Variants in ASXL3 observed in about 807,000 individuals in gnomAD.
The protein encoded by ASXL3 is ASXL transcriptional regulator 3.
A neutral mutation model predicts 170.6 loss-of-function variants in ASXL3; 34 were observed. The observed-to-expected ratio is 0.20, with a 90% CI of 0.15 to 0.27. The LOEUF (loss-of-function observed/expected upper bound fraction) is 0.27, where lower values mean the gene tolerates loss of function less well. Among genes scored for constraint, ASXL3 ranks in the 10% least tolerant of loss-of-function variants. The pLI, the probability that ASXL3 is intolerant of heterozygous loss-of-function variation, is 1.00. For missense variants in ASXL3, 2,592 were observed against 2,695.3 expected, an observed-to-expected ratio of 0.96 and a Z score of 0.85; for synonymous variants, 1,002 against 989.1, an observed-to-expected ratio of 1.01 and a Z score of -0.24.
At chr18:33,699,189 A>G (rs2066827685) in intron 8 of ASXL3, among the ~76,000 whole-genome samples, 1 of 152,098 alleles carries the variant, frequency 6.6e-6, no homozygotes. Context: ...CCGGCAAGAA[A>G]ATCTTCTATG....
At chr18:33,586,277 C>T (rs191861830) in intron 1 of ASXL3, among the ~76,000 whole-genome samples, 1 of 152,086 alleles carries the variant, frequency 6.6e-6, no homozygotes, top group East Asian at 1.9e-4. Context: ...GTTGACATAG[C>T]CCCAGAACTA....
chr18:33,639,038 C>T lies in ASXL3; in HGVS notation c.138-5856C>T, dbSNP rs141475853. 2.2e-3 allele frequency among the ~76,000 whole-genome samples: 340 copies of T among 152,116 alleles called. 3 individuals are homozygous for T. The highest frequency in any genetic ancestry group is 6.8e-3 in the Middle Eastern group (2 of 294). On this transcript the variant is annotated intron_variant, in intron 2 of 11. Coordinates refer to ENST00000269197, the MANE Select transcript of ASXL3 (RefSeq NM_030632.3). ...TTTAAAAATTAAAATATTACCTGAG[C>T]CAATTCTTTAAACAAGCTGTGAAAT...
rs1599457003 is a variant in ASXL3 at position 33,658,548 on chromosome 18, A to G, written c.356-3068A>G. ...TGAAGCCTATGGGTGAATTGCAAAT[A>G]TGTCCTACCCATTTTTTCTTTCCTG... On this transcript the variant is annotated intron_variant, in intron 4 of 11. Transcript: ENST00000269197. 2.0e-5 allele frequency among the ~76,000 whole-genome samples: 3 copies of G among 152,164 alleles called. No individual in the cohort carries two copies. The East Asian group carries it at 5.8e-4, about 29-fold the overall frequency.
Position 33,745,272 on chromosome 18 carries a change from G to A in ASXL3, c.5424G>A (p.Lys1808=), listed in dbSNP as rs186394703. The A allele has an allele frequency of 3.5e-5, 56 of 1,613,976 alleles. No individual in the cohort carries two copies. The East Asian group carries it at 5.8e-4, about 17-fold the overall frequency. The change falls in exon 12 of 12, where the codon AAG becomes AAA. Residue 1808 remains lysine (K), a synonymous_variant. Transcript: ENST00000269197. The part of the protein sequence containing the change: ...IPPSSPNPDG[K]GYLAGTLAPL... ...CCAGCTCTCCAAATCCAGATGGTAA[G>A]GGCTACTTGGCAGGGACTCTGGCAC... is the stretch of plus-strand genomic sequence containing the variant.
intron 9 of ASXL3, among the ~76,000 whole-genome samples, chr18:33,733,286 G>C (rs985813880): frequency 5.3e-5 from 8 of 152,046 alleles, no homozygotes; most frequent in African/African-American, 1.9e-4. Context: ...TAACCAAAAT[G>C]CCTAATATTA....
intron 11 of ASXL3, among the ~76,000 whole-genome samples, chr18:33,741,377 C>T (rs1445235219): frequency 6.6e-6 from 1 of 151,944 alleles, no homozygotes; most frequent in Admixed American, 6.6e-5. Context: ...TAGAATCTTG[C>T]AAGATGTTAC....
chr18:33,692,852 A>G (rs1021733138), intron 8 of ASXL3, among the ~76,000 whole-genome samples: 5 of 152,198 alleles, frequency 3.3e-5, no homozygotes, highest in African/African-American at 1.2e-4. Context: ...AGAACTTTGC[A>G]TTAGTCTACT....
intron 2 of ASXL3, among the ~76,000 whole-genome samples, chr18:33,627,339 T>C (rs1412596959): frequency 1.3e-5 from 2 of 152,174 alleles, no homozygotes; most frequent in East Asian, 3.9e-4. Context: ...TGTTGGAAAG[T>C]GAAAATTTGA....
rs917031264 is a variant in ASXL3, at chr18:33,578,670, C to G, written c.39C>G (p.Ala13=). 2.2e-6 allele frequency: 3 copies of G among 1,347,470 alleles called. No homozygotes were observed. The highest frequency in any genetic ancestry group is 3.2e-5 in the South Asian group (2 of 63,016). 83.5% of individuals were successfully genotyped at this position (1,347,470 alleles called of 1,614,324 possible). The change falls in exon 1 of 12, where the codon GCC becomes GCG. Residue 13 remains alanine, a synonymous_variant. Transcript: ENST00000269197. ...DKRKKKDRTW[A]EAARLALEKH... ...GGAAGAAGAAGGACCGCACCTGGGC[C>G]GAGGCTGCCCGCCTGGTACGTACCG... is the stretch of plus-strand genomic sequence containing the variant.
intron 8 of ASXL3, among the ~76,000 whole-genome samples, chr18:33,685,986 T>G (rs1241707948): frequency 6.6e-6 from 1 of 152,242 alleles, no homozygotes; most frequent in Admixed American, 6.5e-5. Context: ...ATCAACAATG[T>G]ACTCAATAAA....
At chr18:33,709,358 A>G (rs2067017852) in intron 8 of ASXL3, among the ~76,000 whole-genome samples, 1 of 152,052 alleles carries the variant, frequency 6.6e-6, no homozygotes, top group African/African-American at 2.4e-5. Flanking sequence ...AGTGTTCACA[A>G]TAGCCAAAAC....
intron 2 of ASXL3, among the ~76,000 whole-genome samples, chr18:33,618,083 T>C (rs1224707877): frequency 6.6e-6 from 1 of 152,172 alleles, no homozygotes; most frequent in East Asian, 1.9e-4. Context: ...GACTTCTTTT[T>C]ATAGTTGATT....
intron 1 of ASXL3, among the ~76,000 whole-genome samples, chr18:33,579,411 G>A (rs1205918006): frequency 6.6e-6 from 1 of 152,122 alleles, no homozygotes; most frequent in African/African-American, 2.4e-5. Flanking sequence ...GTAGTGGGAG[G>A]TTATTAAGAG....
At chr18:33,707,660 C>G (rs994014897) in intron 8 of ASXL3, among the ~76,000 whole-genome samples, 2 of 151,800 alleles carry the variant, frequency 1.3e-5, no homozygotes, top group Non-Finnish European at 2.9e-5. Flanking sequence ...AATGCTTATA[C>G]CTTTCTTGCC....
chr18:33,658,082 A>C (rs562897210), intron 4 of ASXL3, among the ~76,000 whole-genome samples: 11 of 152,112 alleles, frequency 7.2e-5, no homozygotes, highest in Non-Finnish European at 4.4e-5. Context: ...TCTAAGCTGC[A>C]TGTCAGTCTT....
At chr18:33,613,691 A>G (rs749564644) in intron 2 of ASXL3, among the ~76,000 whole-genome samples, 2 of 152,108 alleles carry the variant, frequency 1.3e-5, no homozygotes, top group Non-Finnish European at 2.9e-5. Flanking sequence ...GGCCAAGGAA[A>G]GAGGATTACT....
chr18:33,740,607 A>G (rs1568362550), intron 11 of ASXL3, among the ~76,000 whole-genome samples, 164 bp downstream of exon 11: 1 of 152,208 alleles, frequency 6.6e-6, no homozygotes, highest in African/African-American at 2.4e-5. Flanking sequence ...TATGTACTGA[A>G]TTCATAAAAG....
At position 33,746,727 on chromosome 18, in the gene ASXL3, A is replaced by G. The variant is rs1302822551; in HGVS notation, c.*132A>G. ...GCTTTGGAGCAGGTACCTTTCCTCT[A>G]TGGCATTATTTTCTTGCATTTCTCA... On this transcript the variant is annotated 3_prime_UTR_variant, in exon 12 of 12. Coordinates refer to ENST00000269197, the MANE Select transcript of ASXL3 (RefSeq NM_030632.3). 2.9e-5 allele frequency: 40 copies of G among 1,385,202 alleles called. No individual in the cohort carries two copies. The highest frequency in any genetic ancestry group is 3.7e-5 in the Non-Finnish European group (39 of 1,051,390). 85.8% of individuals were successfully genotyped at this position (1,385,202 alleles called of 1,614,324 possible).
intron 2 of ASXL3, among the ~76,000 whole-genome samples, chr18:33,634,803 T>C (rs2065739639): frequency 6.6e-6 from 1 of 152,220 alleles, no homozygotes; most frequent in Non-Finnish European, 1.5e-5. Flanking sequence ...AGCCCCTGAA[T>C]GTGTTCCGAG....
Sources: gnomAD v4.1 joint callset for allele counts (sites outside exome capture counted in the v4.1 genomes callset) on GRCh38, gnomAD v4.1.1 for gene constraint, MANE v1.5 for transcripts, NCBI Gene and HGNC (gene_info 2026-07-23, HGNC 2026-07-21) for gene names.